NCALD: variants seen among roughly 807,000 people sequenced by gnomAD.
NCALD encodes the protein neurocalcin delta.
A neutral mutation model predicts 18.6 loss-of-function variants in NCALD; 10 were observed. The ratio of observed to expected loss-of-function variants is 0.54; its 90% CI spans 0.33 to 0.91. The LOEUF (loss-of-function observed/expected upper bound fraction) is 0.91, where lower values mean the gene tolerates loss of function less well. NCALD is among the 40% of genes least tolerant of loss of function. The pLI is 0.03. For missense variants in NCALD, 184 were observed against 247.6 expected (o/e 0.74, Z 1.72); for synonymous variants, 88 against 87.4 (o/e 1.01, Z -0.04).
chr8:101,949,906 T>C (rs902763775), intron 2 of NCALD, among the ~76,000 whole-genome samples: 3 of 152,196 alleles, frequency 2.0e-5, no homozygotes, highest in Non-Finnish European at 4.4e-5. Flanking sequence ...GTTCCAACAA[T>C]CATCCAGACT....
chr8:102,071,889 A>G (rs921462348), intron 1 of NCALD, among the ~76,000 whole-genome samples: 4 of 152,236 alleles, frequency 2.6e-5, no homozygotes, highest in Admixed American at 6.5e-5. Flanking sequence ...GAAGATAGCA[A>G]TTCTCACAAA....
chr8:101,781,412 A>G (rs1586486853), intron 1 of NCALD, among the ~76,000 whole-genome samples: 1 of 152,284 alleles, frequency 6.6e-6, no homozygotes, highest in East Asian at 1.9e-4. Flanking sequence ...TTCCCTCACC[A>G]TTCCCTCCTG....
chr8:101,768,723 C>A (rs60363146), intron 1 of NCALD, among the ~76,000 whole-genome samples: 4,433 of 136,252 alleles, frequency 0.033, 149 homozygotes, highest in East Asian at 0.13. Flanking sequence ...AACAAAAAAA[C>A]AAAAAAAAAA....
intron 4 of NCALD, among the ~76,000 whole-genome samples, chr8:101,829,502 G>A (rs1049730371): frequency 1.3e-5 from 2 of 152,154 alleles, no homozygotes; most frequent in Non-Finnish European, 1.5e-5. Context: ...TGTTATAAAA[G>A]CTTTCCTGTG....
chr8:102,037,862 A>G (rs1416647194), intron 1 of NCALD, among the ~76,000 whole-genome samples: 1 of 152,200 alleles, frequency 6.6e-6, no homozygotes, highest in Non-Finnish European at 1.5e-5. Flanking sequence ...GAAGAAAACA[A>G]AAGAGTAAAC....
intron 2 of NCALD, among the ~76,000 whole-genome samples, chr8:101,716,598 T>A (rs1005819672): frequency 8.5e-5 from 13 of 152,240 alleles, no homozygotes; most frequent in African/African-American, 2.9e-4. Context: ...AAAAATATTT[T>A]CTTTAAAAAG....
chr8:101,850,083 G>C (rs1030460812), intron 4 of NCALD, among the ~76,000 whole-genome samples: 1 of 152,176 alleles, frequency 6.6e-6, no homozygotes, highest in Non-Finnish European at 1.5e-5. Flanking sequence ...GCTCTGCCGG[G>C]TGTTATCCAG....
At chr8:101,715,142 T>C (rs1816015221) in intron 2 of NCALD, among the ~76,000 whole-genome samples, 1 of 151,870 alleles carries the variant, frequency 6.6e-6, no homozygotes, top group Admixed American at 6.6e-5. Flanking sequence ...TATAGACCAA[T>C]GGAACAGAAC....
At chr8:101,844,056 C>T (rs1814763350) in intron 4 of NCALD, among the ~76,000 whole-genome samples, 1 of 152,322 alleles carries the variant, frequency 6.6e-6, no homozygotes, top group Non-Finnish European at 1.5e-5. Flanking sequence ...CAGTTCTCTT[C>T]CACCCTTCCA....
intron 2 of NCALD, among the ~76,000 whole-genome samples, chr8:101,959,054 C>T (rs1212656192): frequency 1.3e-5 from 2 of 152,074 alleles, no homozygotes; most frequent in Non-Finnish European, 2.9e-5. Flanking sequence ...CCTCAGACCC[C>T]ATTTATGTTC....
chr8:102,108,231 T>C (rs989894003), intron 1 of NCALD, among the ~76,000 whole-genome samples: 1 of 152,218 alleles, frequency 6.6e-6, no homozygotes, highest in Non-Finnish European at 1.5e-5. Context: ...CAGCACAGTT[T>C]GGCATACACA....
chr8:101,832,820 G>C lies in NCALD; in HGVS notation c.-20+54321C>G, dbSNP rs559010626. ...TCTTGGCACCCCTGAGAAACTGCCC[G>C]CAGCAGTGATCCAAATAAATGGTGA... On this transcript the variant is annotated intron_variant, in intron 4 of 6. Coordinates refer to the NCALD transcript ENST00000311028. Among the ~76,000 whole-genome samples, 3 of 152,270 alleles carry C rather than the reference G, an allele frequency of 2.0e-5. No homozygotes were observed. The East Asian group carries it at 5.8e-4, about 29-fold the overall frequency.
At chr8:102,095,994 C>T (rs1035288457) in intron 1 of NCALD, among the ~76,000 whole-genome samples, 6 of 152,192 alleles carry the variant, frequency 3.9e-5, no homozygotes, top group African/African-American at 1.4e-4. Context: ...TCCTGCATCC[C>T]AGGAATCTCC....
intron 2 of NCALD, chr8:101,915,893 G>A (rs1817955264): frequency 2.6e-5 from 4 of 152,148 alleles, no homozygotes; most frequent in Admixed American, 2.6e-4. Context: ...AATGGTAAAT[G>A]CAAATATCTT....
intron 2 of NCALD, among the ~76,000 whole-genome samples, chr8:101,987,589 T>C (rs945833674): frequency 6.6e-6 from 1 of 152,112 alleles, no homozygotes; most frequent in African/African-American, 2.4e-5. Context: ...GATGTGTACA[T>C]TTACTTGAGA....
chr8:101,892,739 G>A (rs1264949), intron 3 of NCALD, among the ~76,000 whole-genome samples: 49,556 of 148,878 alleles, frequency 0.33, 10,446 homozygotes, highest in African/African-American at 0.57. Flanking sequence ...GAGCTGATGC[G>A]ATCAACTGGA....
At chr8:102,006,665 C>T (rs1324248502) in intron 2 of NCALD, among the ~76,000 whole-genome samples, 1 of 152,212 alleles carries the variant, frequency 6.6e-6, no homozygotes, top group Non-Finnish European at 1.5e-5. Flanking sequence ...TCTGGTGGTT[C>T]TGACAGAAGC....
chr8:101,729,993 T>C (rs1335401172), intron 1 of NCALD, among the ~76,000 whole-genome samples: 2 of 152,044 alleles, frequency 1.3e-5, no homozygotes, highest in South Asian at 2.1e-4. Flanking sequence ...ATTGAAAAAA[T>C]CTAAGTAATA....
chr8:101,960,821 A>G (rs1586830041), intron 2 of NCALD, among the ~76,000 whole-genome samples: 1 of 151,968 alleles, frequency 6.6e-6, no homozygotes, highest in Non-Finnish European at 1.5e-5. Flanking sequence ...ATTGATTTCT[A>G]TTCTTTGAAT....
Sources: allele counts gnomAD v4.1 joint callset (sites outside exome capture counted in the v4.1 genomes callset), GRCh38; gene constraint gnomAD v4.1.1; transcripts MANE v1.5; gene names NCBI Gene and HGNC (gene_info 2026-07-23, HGNC 2026-07-21).